The following NKAIN2 variants were observed in gnomAD, a reference collection of about 807,000 sequenced individuals.
The protein encoded by NKAIN2 is sodium/potassium transporting ATPase interacting 2.
Under a neutral mutation model 32.6 loss-of-function variants are expected in NKAIN2, and 14 were observed. The observed-to-expected ratio is 0.43, with a 90% CI of 0.28 to 0.67. The LOEUF (loss-of-function observed/expected upper bound fraction) is 0.67, where lower values mean the gene tolerates loss of function less well. Ranked by LOEUF, NKAIN2 falls within the 30% of genes least tolerant of loss-of-function variation. The pLI is 0.17. For synonymous variants in NKAIN2, 80 were observed against 87.2 expected (o/e 0.92, Z 0.46); for missense variants, 198 against 258.3 (o/e 0.77, Z 1.60).
At chr6:124,684,749 A>G (rs189643063) in intron 4 of NKAIN2, among the ~76,000 whole-genome samples, 1 of 152,288 alleles carries the variant, frequency 6.6e-6, no homozygotes, top group East Asian at 1.9e-4. Context: ...TCACTTAACT[A>G]GAATTCATTG....
chr6:124,207,553 T>C (rs921665955), intron 1 of NKAIN2, among the ~76,000 whole-genome samples: 3 of 151,516 alleles, frequency 2.0e-5, no homozygotes, highest in Non-Finnish European at 2.9e-5. Context: ...TCAATTGCAC[T>C]TCCTGGGCAG....
chr6:124,783,705 A>G lies in NKAIN2; in HGVS notation c.475-7634A>G, dbSNP rs1305735531. ...ACATAATAAAATACTTCATATAAAG[A>G]CCTTCATTAATAACACTGATATAAT... On this transcript the variant is annotated intron_variant, in intron 4 of 6. Transcript: ENST00000368417. Among the ~76,000 whole-genome samples the G allele has an allele frequency of 2.0e-5, 3 of 152,178 alleles. No homozygotes were observed. The East Asian group carries it at 5.8e-4, about 29-fold the overall frequency.
chr6:123,859,222 T>C (rs1775681646), intron 1 of NKAIN2, among the ~76,000 whole-genome samples: 1 of 152,192 alleles, frequency 6.6e-6, no homozygotes, highest in African/African-American at 2.4e-5. Context: ...ACTGATGCTG[T>C]GAACAGATTC....
chr6:124,130,340 C>A (rs148460948), intron 1 of NKAIN2, among the ~76,000 whole-genome samples: 62 of 152,234 alleles, frequency 4.1e-4, no homozygotes, highest in African/African-American at 1.4e-3. Context: ...CTTATGATTA[C>A]CTCATCAGAA....
rs553602760 is a variant in NKAIN2, at chr6:124,792,432, A to G, written c.535+1033A>G. 1.1e-4 allele frequency among the ~76,000 whole-genome samples: 16 copies of G among 152,292 alleles called. No individual in the cohort carries two copies. In the East Asian group the frequency reaches 2.5e-3, roughly 24 times the overall value. On this transcript the variant is annotated intron_variant, in intron 5 of 6. Coordinates refer to ENST00000368417, the MANE Select transcript of NKAIN2 (RefSeq NM_001040214.3). ...GTATACAGTATATAATTTATTTCAT[A>G]TATAAAAGGAAATAATGGTCCTTTC...
chr6:123,818,352 GAAAC>G (rs1455885494), intron 1 of NKAIN2, among the ~76,000 whole-genome samples: 1 of 94,384 alleles, frequency 1.1e-5, no homozygotes, highest in Non-Finnish European at 2.0e-5. Context: ...ACTTCTTGTG[GAAAC>G]ACACACACAC....
chr6:124,054,141 G>A (rs1782536311), intron 1 of NKAIN2, among the ~76,000 whole-genome samples: 1 of 152,054 alleles, frequency 6.6e-6, no homozygotes, highest in Admixed American at 6.6e-5. Context: ...ATTAGGTGTA[G>A]GTGGGGAGAT....
chr6:124,623,316 A>G (rs1783180676), intron 3 of NKAIN2, among the ~76,000 whole-genome samples: 1 of 152,186 alleles, frequency 6.6e-6, no homozygotes, highest in Admixed American at 6.5e-5. Context: ...AGGAAAGACC[A>G]CAGTGGACAT....
At chr6:124,807,019 C>G (rs1158863977) in intron 5 of NKAIN2, among the ~76,000 whole-genome samples, 37 of 151,890 alleles carry the variant, frequency 2.4e-4, no homozygotes, top group South Asian at 6.2e-4. Context: ...AAGAGACTTA[C>G]ACTCCCACAC....
intron 2 of NKAIN2, among the ~76,000 whole-genome samples, chr6:124,323,718 C>T (rs1042429234): frequency 1.3e-5 from 2 of 151,006 alleles, no homozygotes; most frequent in Non-Finnish European, 1.5e-5. Flanking sequence ...AATATTGGTA[C>T]AGTAATTTCT....
chr6:124,602,547 G>A (rs1367447816), intron 3 of NKAIN2, among the ~76,000 whole-genome samples: 1 of 151,604 alleles, frequency 6.6e-6, no homozygotes, highest in Admixed American at 6.6e-5. Flanking sequence ...TTGTGGATGG[G>A]GGGACAAAAA....
chr6:123,834,412 C>T (rs1033647176), intron 1 of NKAIN2, among the ~76,000 whole-genome samples: 4 of 152,136 alleles, frequency 2.6e-5, no homozygotes, highest in African/African-American at 9.7e-5. Context: ...GCCTCAGCCT[C>T]CCAACGTGCT....
intron 1 of NKAIN2, among the ~76,000 whole-genome samples, chr6:124,175,437 G>T (rs542632279): frequency 6.6e-6 from 1 of 152,274 alleles, no homozygotes; most frequent in African/African-American, 2.4e-5. Context: ...AATTTAAATA[G>T]TCAAACTTCC....
At chr6:124,346,088 T>A (rs1304646912) in intron 2 of NKAIN2, among the ~76,000 whole-genome samples, 1 of 152,310 alleles carries the variant, frequency 6.6e-6, no homozygotes, top group East Asian at 1.9e-4. Flanking sequence ...CATTTCGTTA[T>A]GTACCCAGTA....
chr6:124,470,899 AT>A, intron 3 of NKAIN2, among the ~76,000 whole-genome samples: 1 of 152,284 alleles, frequency 6.6e-6, no homozygotes, highest in Non-Finnish European at 1.5e-5. Flanking sequence ...GCTCTTCTGT[AT>A]TTAAAACTGA....
chr6:124,084,368 A>G (rs1034109229), intron 1 of NKAIN2, among the ~76,000 whole-genome samples: 1 of 151,942 alleles, frequency 6.6e-6, no homozygotes, highest in Non-Finnish European at 1.5e-5. Flanking sequence ...TTGTGTGACA[A>G]TTGCCATACA....
chr6:124,717,143 A>T (rs529813270), intron 4 of NKAIN2, among the ~76,000 whole-genome samples: 2 of 152,374 alleles, frequency 1.3e-5, no homozygotes, highest in Non-Finnish European at 2.9e-5. Context: ...TTATTTGTAT[A>T]AGTGAACCTC....
rs148842765 is a variant in NKAIN2, at chr6:124,364,871, T to A, written c.273+9524T>A. On this transcript the variant is annotated intron_variant, in intron 3 of 6. Coordinates refer to ENST00000368417, the MANE Select transcript of NKAIN2 (RefSeq NM_001040214.3). ...CAATAGCAATAAAATATTTGGGGAT[T>A]TAAATATTTGTAAAACTCAAATGCA... 1.5e-4 allele frequency among the ~76,000 whole-genome samples: 23 copies of A among 152,044 alleles called. No homozygotes were observed. In the East Asian group the frequency reaches 4.3e-3, roughly 28 times the overall value.
chr6:124,700,870 T>TCACACACACACACACACACA (rs1562331736), intron 4 of NKAIN2, among the ~76,000 whole-genome samples: 3 of 114,696 alleles, frequency 2.6e-5, no homozygotes, highest in African/African-American at 1.1e-4. Flanking sequence ...GTCTCTTTCC[T>TCACACACACACACACACACA]GACACACACA....
Sources: allele counts gnomAD v4.1 joint callset (sites outside exome capture counted in the v4.1 genomes callset), GRCh38; gene constraint gnomAD v4.1.1; transcripts MANE v1.5; gene names NCBI Gene and HGNC (gene_info 2026-07-23, HGNC 2026-07-21).